Variants in MIB1 observed in about 807,000 individuals in gnomAD.
MIB1 encodes MIB E3 ubiquitin protein ligase 1, also known as E3 ubiquitin-protein ligase MIB1.
In MIB1, 278 loss-of-function variants were observed where a neutral mutation model predicts 124.5. The ratio of observed to expected loss-of-function variants is 2.23; its 90% confidence interval spans 2.02 to 2.47. The LOEUF is 2.47. Among genes scored for constraint, MIB1 ranks in the 30% most tolerant of loss-of-function variants. MIB1 has a pLI of 0.00. For synonymous variants in MIB1, 446 were observed against 429.4 expected (o/e 1.04, Z -0.48); for missense variants, 957 against 1,254.4 (o/e 0.76, Z 3.58).
intron 1 of MIB1, among the ~76,000 whole-genome samples, chr18:21,718,592 A>G (rs2040700270): frequency 6.6e-6 from 1 of 152,188 alleles, no homozygotes; most frequent in Admixed American, 6.5e-5. Context: ...TGCCCAGTTG[A>G]GCCCAGCCAC....
intron 1 of MIB1, among the ~76,000 whole-genome samples, chr18:21,725,785 G>GGGAAGGAAGGAAGGAAGGAA (rs35808714): frequency 5.2e-4 from 78 of 151,062 alleles, no homozygotes; most frequent in Non-Finnish European, 9.6e-4. Flanking sequence ...GAGGGAGAGA[G>GGGAAGGAAGGAAGGAAGGAA]GGAAGGAAGG....
intron 2 of MIB1, among the ~76,000 whole-genome samples, chr18:21,767,624 T>C (rs1370690411): frequency 6.6e-6 from 1 of 152,106 alleles, no homozygotes; most frequent in Non-Finnish European, 1.5e-5. Flanking sequence ...GTTGGCTCAC[T>C]GTAACCTCCG....
chr18:21,859,777 T>A (rs531958618), intron 20 of MIB1, among the ~76,000 whole-genome samples: 2 of 150,088 alleles, frequency 1.3e-5, no homozygotes, highest in Admixed American at 6.7e-5. Context: ...TAGTCGCAGC[T>A]ACTCTGGTGG....
chr18:21,742,966 A>G (rs1198350364), intron 1 of MIB1, among the ~76,000 whole-genome samples: 2 of 152,226 alleles, frequency 1.3e-5, no homozygotes, highest in Non-Finnish European at 2.9e-5. Flanking sequence ...TTTGTTTTAG[A>G]GACAGTTGTC....
Position 21,741,472 on chromosome 18 carries a change from G to GGGGCCCCCC in MIB1, c.-112_-111insGGGCCCCCC. On this transcript the variant is annotated 5_prime_UTR_variant, in exon 1 of 21. Coordinates refer to ENST00000261537, the MANE Select transcript of MIB1 (RefSeq NM_020774.4). The surrounding 1 kb of genome is among the most constrained non-coding windows in gnomAD (Gnocchi z 5.4). ...ATTCTCACGTCCCCCGGGGCTCGCT[G>GGGGCCCCCC]CCGCCCCCGCCGACGCCTAGAGTCC... 1.7e-6 allele frequency: 1 copy of GGGGCCCCCC among 596,790 alleles called. No homozygotes were observed. The highest frequency in any genetic ancestry group is 2.4e-6 in the Non-Finnish European group (1 of 424,966). The allele number at this position is 596,790 out of a possible 1,614,324, so 37.0% of individuals were successfully genotyped here.
In MIB1 at chr18:21,864,624, T is replaced by G; in HGVS notation, c.2979T>G (p.Pro993=). The change falls in exon 21 of 21, where the codon CCT becomes CCG. Residue 993 remains proline (P), a synonymous_variant. Coordinates refer to ENST00000261537, the MANE Select transcript of MIB1 (RefSeq NM_020774.4). ...QLCGDRMSEC[P]ICRKAIERRI... ...GTGGAGACCGCATGAGTGAATGTCCTATCTGTCGCAAGGCTATTGAACGAA... is the reference window on the plus strand; with the variant it reads ...GTGGAGACCGCATGAGTGAATGTCCGATCTGTCGCAAGGCTATTGAACGAA... 6.2e-7 allele frequency: 1 copy of G among 1,613,880 alleles called. No homozygotes were observed. The highest frequency in any genetic ancestry group is 8.5e-7 in the Non-Finnish European group (1 of 1,179,792).
At chr18:21,729,838 C>G (rs892867482) in intron 1 of MIB1, among the ~76,000 whole-genome samples, 1 of 152,192 alleles carries the variant, frequency 6.6e-6, no homozygotes, top group Non-Finnish European at 1.5e-5. Flanking sequence ...ATCACCTAAT[C>G]ACCTGCTAAA....
At chr18:21,746,304 T>C (rs2040912367) in intron 1 of MIB1, among the ~76,000 whole-genome samples, 1 of 152,230 alleles carries the variant, frequency 6.6e-6, no homozygotes, top group South Asian at 2.1e-4. Flanking sequence ...CTGGGAGTTG[T>C]ATGCGGGTCT....
In MIB1 at chr18:21,765,868, G is replaced by T; in HGVS notation, c.326G>T (p.Cys109Phe). The change falls in exon 2 of 21, where the codon TGC becomes TTC. Residue 109 changes from cysteine to phenylalanine, a missense_variant. Physicochemically the swap from Cys to Phe is radical, Grantham distance 205. Coordinates refer to ENST00000261537, the MANE Select transcript of MIB1 (RefSeq NM_020774.4). ...GCAGAGTGTACAAATTATGATTTGT[G>T]CACAGTGTGTTATCATGGAGATAAA... ...KCAECTNYDL[C>F]TVCYHGDKHH... The T allele has an allele frequency of 1.9e-6, 3 of 1,613,680 alleles. No homozygotes were observed. The highest frequency in any genetic ancestry group is 1.7e-5 in the Admixed American group (1 of 60,028).
intron 2 of MIB1, among the ~76,000 whole-genome samples, chr18:21,766,887 A>G (rs1362456270): frequency 6.6e-6 from 1 of 152,204 alleles, no homozygotes; most frequent in Non-Finnish European, 1.5e-5. Flanking sequence ...AAAATAAGTA[A>G]ATAAATGAAA....
intron 11 of MIB1, among the ~76,000 whole-genome samples, 172 bp downstream of exon 11, chr18:21,815,985 T>G (rs556890446): frequency 6.6e-5 from 10 of 150,858 alleles, no homozygotes; most frequent in Non-Finnish European, 1.3e-4. Context: ...TAAAAAGTTG[T>G]TTTTTTTTAG....
intron 1 of MIB1, among the ~76,000 whole-genome samples, chr18:21,749,634 C>T (rs2040950438): frequency 8.0e-6 from 1 of 124,822 alleles, no homozygotes; most frequent in Non-Finnish European, 1.6e-5. Flanking sequence ...ATTACTGCTA[C>T]CTTACTCTTT....
At chr18:21,717,238 A>G (rs1040803710) in intron 1 of MIB1, among the ~76,000 whole-genome samples, 38 of 152,194 alleles carry the variant, frequency 2.5e-4, no homozygotes, top group Non-Finnish European at 5.0e-4. Context: ...TTATACAAAA[A>G]TCTACTCAAG....
chr18:21,844,093 T>C lies in MIB1; in HGVS notation c.2051T>C (p.Leu684Pro). 6.2e-7 allele frequency: 1 copy of C among 1,613,574 alleles called. No individual in the cohort carries two copies. The highest frequency in any genetic ancestry group is 1.7e-5 in the Admixed American group (1 of 59,970). Residue 684 changes from leucine to proline, a missense_variant and splice_region_variant, in exon 15 of 21, where the codon CTT becomes CCT. Leu to Pro is a moderately conservative substitution (Grantham distance 98). Transcript: ENST00000261537. The part of the protein sequence containing the change: ...VERQHTQIVR[L>P]LVRAGAKLDI... ...AAATGAGACATCTTTCTCTTTTAGC[T>C]TTTGGTCCGTGCAGGTGCCAAGCTT...
In MIB1 at chr18:21,721,159, GTTTTTTTTTTTTTTTTTTTTTTTT is replaced by G. The variant is rs34277676; in HGVS notation, n.167+16052_167+16075del. 5.0e-4 allele frequency among the ~76,000 whole-genome samples: 15 copies of G among 29,758 alleles called. No individual in the cohort carries two copies. The South Asian group carries it at 0.013, about 25-fold the overall frequency. 19.5% of individuals were successfully genotyped at this position (29,758 alleles called of 152,430 possible). A position where few individuals can be genotyped will look rare whatever the true frequency, so the allele number is the denominator to read the frequency against. On this transcript the variant is annotated intron_variant and non_coding_transcript_variant, in intron 1 of 20. Coordinates refer to the MIB1 transcript ENST00000578646. ...TGAAAGATTTAAACATTTTAAAGAA[GTTTTTTTTTTTTTTTTTTTTTTTT>G]TTTTTTTTTTTTTTTGAGACAGAGT...
Position 21,803,718 on chromosome 18 carries a change from A to G in MIB1, c.1372-189A>G, listed in dbSNP as rs2041674629. On this transcript the variant is annotated intron_variant, in intron 9 of 20. Transcript: ENST00000261537. ...TGGACAATGAAACTTTTGTTTTTTA[A>G]AACAATGCTTGCTTCCCTTCTCAAA... The G allele has an allele frequency of 1.1e-5, 5 of 435,402 alleles. No homozygotes were observed. In the East Asian group the frequency reaches 1.6e-4, roughly 14 times the overall value. The allele number at this position is 435,402 out of a possible 1,614,324, so 27.0% of individuals were successfully genotyped here.
At chr18:21,770,174 A>T (rs900220805) in intron 3 of MIB1, among the ~76,000 whole-genome samples, 1 of 152,250 alleles carries the variant, frequency 6.6e-6, no homozygotes, top group Non-Finnish European at 1.5e-5. Flanking sequence ...ACTGCACTCC[A>T]CCCTGGGTGA....
intron 8 of MIB1, among the ~76,000 whole-genome samples, chr18:21,799,063 T>C (rs1405126384): frequency 6.6e-6 from 1 of 152,072 alleles, no homozygotes; most frequent in Admixed American, 6.6e-5. Context: ...GTTGACTACA[T>C]ACAAAGTAAA....
At position 21,852,223 on chromosome 18, in the gene MIB1, G is replaced by T. The variant is rs1270930776; in HGVS notation, c.2587-917G>T. On this transcript the variant is annotated intron_variant, in intron 17 of 20. Transcript: ENST00000261537. ...GTGTCTTGATCAACTATGTCTTACT[G>T]CATTCTGCATTCTGCTTTTTCTATA... 5.9e-5 allele frequency among the ~76,000 whole-genome samples: 9 copies of T among 152,206 alleles called. No individual in the cohort carries two copies. The East Asian group carries it at 1.7e-3, about 29-fold the overall frequency.
Sources: allele counts gnomAD v4.1 joint callset (sites outside exome capture counted in the v4.1 genomes callset), GRCh38; gene constraint gnomAD v4.1.1; non-coding constraint Gnocchi (gnomAD v3.1); transcripts MANE v1.5; gene names NCBI Gene and HGNC (gene_info 2026-07-23, HGNC 2026-07-21).